COL22A1: variants seen among roughly 807,000 people sequenced by gnomAD.
COL22A1 encodes the protein collagen type XXII alpha 1 chain.
In COL22A1, 221 loss-of-function variants were observed where a neutral mutation model predicts 248.9. That is an observed-to-expected ratio of 0.89 (90% CI 0.80 to 0.99). The LOEUF (loss-of-function observed/expected upper bound fraction) is 0.99. Among genes scored for constraint, COL22A1 ranks in the 50% least tolerant of loss-of-function variants. COL22A1 has a pLI of 0.00. For synonymous variants in COL22A1, 891 were observed against 793.4 expected, an observed-to-expected ratio of 1.12 and a Z score of -2.07; for missense variants, 2,240 against 2,179.0, an observed-to-expected ratio of 1.03 and a Z score of -0.56.
At chr8:138,860,314 G>C (rs1339167660) in intron 3 of COL22A1, among the ~76,000 whole-genome samples, 7 of 152,166 alleles carry the variant, frequency 4.6e-5, no homozygotes, top group Non-Finnish European at 8.8e-5. Context: ...GTCAGGACTG[G>C]GCTAAGCCAG....
At chr8:138,861,932 G>A (rs901254673) in intron 3 of COL22A1, among the ~76,000 whole-genome samples, 1 of 145,544 alleles carries the variant, frequency 6.9e-6, no homozygotes. Context: ...TTCACGCCTG[G>A]AATCCCAGCA....
intron 23 of COL22A1, among the ~76,000 whole-genome samples, chr8:138,727,888 C>G (rs1374509725): frequency 2.6e-5 from 4 of 152,150 alleles, no homozygotes; most frequent in Non-Finnish European, 5.9e-5. Context: ...AGCCTCCCGG[C>G]CTTGCTGTAT....
At chr8:138,703,439 C>T in intron 30 of COL22A1, 92 bp from the exon 31 acceptor site, 3 of 1,233,016 alleles carry the variant, frequency 2.4e-6, no homozygotes, top group Non-Finnish European at 3.6e-6. Flanking sequence ...TTTCCCCAGA[C>T]AACAGAAGGT....
intron 3 of COL22A1, among the ~76,000 whole-genome samples, chr8:138,846,982 T>C (rs1156691140): frequency 6.6e-6 from 1 of 152,164 alleles, no homozygotes; most frequent in Non-Finnish European, 1.5e-5. Flanking sequence ...TTCCCAGGGC[T>C]CCTCCTCCTG....
At chr8:138,611,147 G>A (rs1308360711) in intron 56 of COL22A1, among the ~76,000 whole-genome samples, 2 of 152,212 alleles carry the variant, frequency 1.3e-5, no homozygotes, top group East Asian at 3.8e-4. Flanking sequence ...GCTGCCCTAT[G>A]CCAAGAGGCC....
In COL22A1 at chr8:138,811,839, A is replaced by C. The variant is rs1244827989; in HGVS notation, c.1409T>G (p.Phe470Cys). 6.2e-7 allele frequency: 1 copy of C among 1,603,100 alleles called. No individual in the cohort carries two copies. Among genetic ancestry groups the C allele is most frequent in the African/African-American group, 1.3e-5 (1 of 74,456 alleles). The change falls in exon 9 of 65, where the codon TTT becomes TGT. Residue 470 changes from phenylalanine to cysteine, a missense_variant. Transcript: ENST00000303045. ...PPTPGSEQIG[F>C]LKTINCSCPA... ...GCAGGAGCAGTTGATGGTCTTCAAA[A>C]ACCCAATCTGTTCACTGCCTGGGGT...
chr8:138,761,778 A>G (rs1174378586), intron 17 of COL22A1, among the ~76,000 whole-genome samples: 1 of 152,198 alleles, frequency 6.6e-6, no homozygotes, highest in African/African-American at 2.4e-5. Context: ...ATGCGTTCAC[A>G]TGGTTCAAAA....
At chr8:138,610,904 CA>C (rs1554719230) in intron 56 of COL22A1, among the ~76,000 whole-genome samples, 4 of 152,032 alleles carry the variant, frequency 2.6e-5, no homozygotes, top group South Asian at 2.1e-4. Flanking sequence ...TATCTACAAA[CA>C]TTTTTTTTAA....
intron 22 of COL22A1, among the ~76,000 whole-genome samples, chr8:138,740,275 A>G (rs1831446306): frequency 6.6e-6 from 1 of 152,202 alleles, no homozygotes; most frequent in African/African-American, 2.4e-5. Context: ...GTTGAGAGGA[A>G]AGACTGAAAG....
chr8:138,664,783 T>C (rs1239562265), intron 41 of COL22A1, among the ~76,000 whole-genome samples: 3 of 152,084 alleles, frequency 2.0e-5, no homozygotes, highest in Non-Finnish European at 4.4e-5. Context: ...TTGATCAAAA[T>C]GAAAAATTTA....
rs942333145 is a variant in COL22A1, at chr8:138,598,701, C to T, written c.4365+18G>A. 2.5e-6 allele frequency: 4 copies of T among 1,606,792 alleles called. No individual in the cohort carries two copies. Among genetic ancestry groups the T allele is most frequent in the Admixed American group, 3.4e-5 (2 of 58,648 alleles). ...GCCCCGAGGAGCCCCGAGTCCAAAG[C>T]CATATTAGCATCCTTACCCTCAGTC... On this transcript the variant is annotated intron_variant, in intron 61 of 64. Transcript: ENST00000303045.
intron 64 of COL22A1, among the ~76,000 whole-genome samples, chr8:138,591,216 A>C (rs1817007194): frequency 6.6e-6 from 1 of 152,194 alleles, no homozygotes; most frequent in South Asian, 2.1e-4. Context: ...CAATTCATAG[A>C]ATACACTACA....
At chr8:138,745,185 C>CT in intron 22 of COL22A1, among the ~76,000 whole-genome samples, 1 of 145,006 alleles carries the variant, frequency 6.9e-6, no homozygotes, top group African/African-American at 2.7e-5. Context: ...TTTTTACCAA[C>CT]TTTTCTTTTT....
At chr8:138,632,219 T>TA (rs1350570478) in intron 49 of COL22A1, among the ~76,000 whole-genome samples, 2 of 152,178 alleles carry the variant, frequency 1.3e-5, no homozygotes, top group Non-Finnish European at 2.9e-5. Context: ...TGCAGCCTCT[T>TA]AGAGTTCGAG....
chr8:138,615,060 C>T (rs999470972), intron 55 of COL22A1, among the ~76,000 whole-genome samples: 5 of 152,332 alleles, frequency 3.3e-5, no homozygotes, highest in African/African-American at 9.6e-5. Context: ...GCATCTCACA[C>T]GTCCAGCCAC....
chr8:138,833,028 T>C lies in COL22A1; in HGVS notation c.845+11A>G. 2 of 1,559,238 alleles carry C rather than the reference T, an allele frequency of 1.3e-6. No individual in the cohort carries two copies. The highest frequency in any genetic ancestry group is 1.8e-6 in the Non-Finnish European group (2 of 1,130,162). On this transcript the variant is annotated intron_variant, in intron 5 of 64. Transcript: ENST00000303045. The stretch of plus-strand genomic sequence containing the variant: ...CCCTGGGCAGGTCTGGAAAGAGAAG[T>C]GGCCACTCACTCAGTACTTTGCACC...
At chr8:138,849,201 C>T (rs1370485907) in intron 3 of COL22A1, among the ~76,000 whole-genome samples, 8 of 152,184 alleles carry the variant, frequency 5.3e-5, no homozygotes, top group South Asian at 2.1e-4. Context: ...TGAGCGCCCG[C>T]GTGGCTAGGT....
chr8:138,865,590 T>C (rs907337714), intron 3 of COL22A1, among the ~76,000 whole-genome samples: 2 of 151,728 alleles, frequency 1.3e-5, no homozygotes, highest in African/African-American at 2.4e-5. Context: ...TGTGTGAGTG[T>C]ATGTGTGTGT....
Position 138,893,753 on chromosome 8 carries a change from C to A in COL22A1, c.-72-10509G>T, listed in dbSNP as rs555591768. Among the ~76,000 whole-genome samples the A allele has an allele frequency of 3.3e-5, 5 of 152,334 alleles. No individual in the cohort carries two copies. The South Asian group carries it at 1.0e-3, about 32-fold the overall frequency. On this transcript the variant is annotated intron_variant, in intron 1 of 64. Coordinates refer to ENST00000303045, the MANE Select transcript of COL22A1 (RefSeq NM_152888.3). ...TGTTTTAGTCTGTAACTCAATCATG[C>A]CCTAAATGCATGGTAGGCATTTTTC...
Sources: allele counts gnomAD v4.1 joint callset (sites outside exome capture counted in the v4.1 genomes callset), GRCh38; gene constraint gnomAD v4.1.1; transcripts MANE v1.5; gene names NCBI Gene and HGNC (gene_info 2026-07-23, HGNC 2026-07-21).